The following ZNF816 variants were observed in gnomAD, a reference collection of about 807,000 sequenced individuals.
ZNF816 encodes the protein zinc finger protein 816.
A neutral mutation model predicts 8.3 loss-of-function variants in ZNF816; 11 were observed. The observed-to-expected ratio is 1.32, with a 90% CI of 0.83 to 2.19. The LOEUF (loss-of-function observed/expected upper bound fraction) is 2.19, where lower values mean the gene tolerates loss of function less well. Ranked by LOEUF, ZNF816 falls within the 30% of genes most tolerant of loss-of-function variation. The pLI, the probability that ZNF816 is intolerant of heterozygous loss-of-function variation, is 0.00. For synonymous variants in ZNF816, 255 were observed against 254.5 expected (o/e 1.00, Z -0.02); for missense variants, 710 against 779.3 (o/e 0.91, Z 1.06).
At chr19:52,959,799 G>A (rs1200843770) in intron 1 of ZNF816, among the ~76,000 whole-genome samples, 1 of 152,160 alleles carries the variant, frequency 6.6e-6, no homozygotes, top group Non-Finnish European at 1.5e-5. Flanking sequence ...ATGCACTGCA[G>A]AGGACACCAG....
Position 52,951,348 on chromosome 19 carries a change from C to G in ZNF816, c.427G>C (p.Asp143His). 2 of 1,614,194 alleles carry G rather than the reference C, an allele frequency of 1.2e-6. No homozygotes were observed. Among genetic ancestry groups the G allele is most frequent in the Non-Finnish European group, 1.7e-6 (2 of 1,180,018 alleles). The part of the protein sequence containing the change: ...KKLTGSTDRS[D>H]HRHAGNKPIK... ...GGCTTGTTTCCAGCATGCCTGTGATCACTTCGGTCTGTACTACCAGTCAAC... is the reference window on the plus strand; with the variant it reads ...GGCTTGTTTCCAGCATGCCTGTGATGACTTCGGTCTGTACTACCAGTCAAC... Residue 143 changes from aspartate (D) to histidine (H), a missense_variant, in exon 4 of 4, where the codon GAT becomes CAT. By Grantham distance (81) the Asp-to-His change is moderately conservative. Coordinates refer to ENST00000444460, the MANE Select transcript of ZNF816 (RefSeq NM_001202457.3).
chr19:52,958,818 C>G (rs759775795), intron 1 of ZNF816, among the ~76,000 whole-genome samples: 1 of 152,120 alleles, frequency 6.6e-6, no homozygotes, highest in Non-Finnish European at 1.5e-5. Context: ...TTCTGCAGAC[C>G]GTGGATCCCA....
In ZNF816 at chr19:52,957,473, G is replaced by C. The variant is rs1344381697; in HGVS notation, c.-15-1369C>G. Among the ~76,000 whole-genome samples the C allele has an allele frequency of 2.0e-5, 3 of 152,158 alleles. No homozygotes were observed. Among genetic ancestry groups the C allele is most frequent in the African/African-American group, 7.2e-5 (3 of 41,438 alleles). On this transcript the variant is annotated intron_variant, in intron 1 of 3. Coordinates refer to ENST00000444460, the MANE Select transcript of ZNF816 (RefSeq NM_001202457.3). This position sits in a 1 kb window ranked among gnomAD's most constrained non-coding sequence, Gnocchi z 4.6. ...CCTCAGCTAAAAGGAAAACAAGGTG[G>C]CTCAGAGCAGGAGGCCCCAGAAGGA...
intron 3 of ZNF816, chr19:52,952,417 C>T: frequency 2.4e-6 from 1 of 424,676 alleles, no homozygotes; most frequent in Non-Finnish European, 4.1e-6. Context: ...CAGCTGGAAA[C>T]ACTTGTCAAT....
At chr19:52,952,564 A>C in intron 3 of ZNF816, 187 bp downstream of exon 3, 1 of 1,143,950 alleles carries the variant, frequency 8.7e-7, no homozygotes, top group Non-Finnish European at 1.2e-6. Context: ...GTTTTTATGT[A>C]AAACCACTCC....
At chr19:52,956,002 G>A (rs200470966) in intron 2 of ZNF816, 25 bp downstream of exon 2, 7 of 1,595,388 alleles carry the variant, frequency 4.4e-6, no homozygotes, top group Non-Finnish European at 6.0e-6. Context: ...AGAGACAGAA[G>A]AATCCACCAA....
chr19:52,958,546 G>A (rs2122168626), intron 1 of ZNF816, among the ~76,000 whole-genome samples: 1 of 152,258 alleles, frequency 6.6e-6, no homozygotes, highest in African/African-American at 2.4e-5. Flanking sequence ...CATTGCTCCA[G>A]TACGTTGATG....
Position 52,952,611 on chromosome 19 carries a change from G to T in ZNF816, c.190+140C>A, listed in dbSNP as rs750906601. 4.0e-6 allele frequency: 6 copies of T among 1,487,038 alleles called. No homozygotes were observed. The Admixed American group carries it at 8.2e-5, about 20-fold the overall frequency. The allele number at this position is 1,487,038 out of a possible 1,614,324, so 92.1% of individuals were successfully genotyped here. A position where few individuals can be genotyped will look rare whatever the true frequency, so the allele number is the denominator to read the frequency against. ...TCTAAGAAGCTGTCCATGACAGATA[G>T]GAGGGTCATCACCGCAGAAAACAAT... On this transcript the variant is annotated intron_variant, in intron 3 of 3. Transcript: ENST00000444460.
Position 52,951,194 on chromosome 19 carries a change from C to T in ZNF816, c.581G>A (p.Arg194Lys), listed in dbSNP as rs752633968. 1 of 1,599,978 alleles carries T rather than the reference C, an allele frequency of 6.3e-7. No homozygotes were observed. The highest frequency in any genetic ancestry group is 1.5e-5 in the African/African-American group (1 of 65,580). The stretch of plus-strand genomic sequence containing the variant: ...ATGAGTTTTGAGCCTACAAGAAATT[C>T]TTTGGGATTCTGAAGCTGAGGAAGC... ...IGASSASESQ[R>K]ISCRLKTHIS... is the part of the protein sequence containing the mutation. The change falls in exon 4 of 4, where the codon AGA becomes AAA. Residue 194 changes from arginine to lysine, a missense_variant. Coordinates refer to ENST00000444460, the MANE Select transcript of ZNF816 (RefSeq NM_001202457.3).
rs1568435799 is a variant in ZNF816 at position 52,950,538 on chromosome 19, C to T, written c.1237G>A (p.Glu413Lys). 1.9e-6 allele frequency: 3 copies of T among 1,613,700 alleles called. No homozygotes were observed. The East Asian group carries it at 6.7e-5, about 36-fold the overall frequency. ...CCAGTATGAATCTTCCTATGTCTTT[C>T]AAGGTGTGATCTGCGAATGTAAACA... ...DNVYIRRSHL[E>K]RHRKIHTGEG... The change falls in exon 4 of 4, where the codon GAA becomes AAA. Residue 413 changes from glutamate (E) to lysine (K), a missense_variant. By Grantham distance (56) the Glu-to-Lys change is moderately conservative. Coordinates refer to ENST00000444460, the MANE Select transcript of ZNF816 (RefSeq NM_001202457.3).
intron 1 of ZNF816, chr19:52,960,227 C>A: frequency 3.6e-6 from 1 of 276,414 alleles, no homozygotes; most frequent in Non-Finnish European, 7.1e-6. Context: ...GCCCGGCATA[C>A]AAGCTTATGA....
chr19:52,953,402 A>G (rs1238550161), intron 2 of ZNF816: 5 of 178,452 alleles, frequency 2.8e-5, no homozygotes, highest in Non-Finnish European at 5.9e-5. Context: ...CAAAAAAAAA[A>G]AGAAAAAAAA....
In ZNF816 at chr19:52,950,567, T is replaced by G. The variant is rs758965064; in HGVS notation, c.1208A>C (p.Asp403Ala). The G allele has an allele frequency of 2.0e-5, 32 of 1,613,620 alleles. No individual in the cohort carries two copies. The East Asian group carries it at 6.9e-4, about 35-fold the overall frequency. Reference sequence around the variant, plus strand: ...GTGTGATCTGCGAATGTAAACATTGTCACATTCTTCACATTTGTAAGGTTT... The same window carrying G: ...GTGTGATCTGCGAATGTAAACATTGGCACATTCTTCACATTTGTAAGGTTT... Reference protein sequence around the residue: ...GEKPYKCEECDNVYIRRSHLE... With the variant: ...GEKPYKCEECANVYIRRSHLE... The change falls in exon 4 of 4, where the codon GAC (aspartate) becomes GCC (alanine). Residue 403 changes from aspartate (D) to alanine (A), a missense_variant. Physicochemically the swap from Asp to Ala is moderately radical, Grantham distance 126. Coordinates refer to ENST00000444460, the MANE Select transcript of ZNF816 (RefSeq NM_001202457.3).
rs745706741 is a variant in ZNF816 at position 52,952,754 on chromosome 19, C to T, written c.187G>A (p.Val63Met). The change falls in exon 3 of 4, where the codon GTG becomes ATG. Residue 63 changes from valine to methionine, a missense_variant. Coordinates refer to ENST00000444460, the MANE Select transcript of ZNF816 (RefSeq NM_001202457.3). ...MLENYRNLEF[V>M]DSSLKSMMEF... ...TCTGGAGGGACATTTTCCTCACCCA[C>T]AAACTCCAGGTTCCTGTAGTTCTCC... 8 of 1,613,796 alleles carry T rather than the reference C, an allele frequency of 5.0e-6. No individual in the cohort carries two copies. In the Admixed American group the frequency reaches 5.0e-5, roughly 10 times the overall value.
In ZNF816 at chr19:52,949,478, T is replaced by C. The variant is rs892973104; in HGVS notation, c.*341A>G. ...ATGGAATGACCACAGAGTGAAGACC[T>C]TGCCACCCTTACATTTGTAAGGCAT... On this transcript the variant is annotated 3_prime_UTR_variant, in exon 4 of 4. Coordinates refer to ENST00000444460, the MANE Select transcript of ZNF816 (RefSeq NM_001202457.3). 2.7e-5 allele frequency: 13 copies of C among 481,638 alleles called. No homozygotes were observed. In the Admixed American group the frequency reaches 3.2e-4, roughly 12 times the overall value. 29.8% of individuals were successfully genotyped at this position (481,638 alleles called of 1,614,324 possible).
chr19:52,956,167 AAC>A, intron 1 of ZNF816, 63 bp from the exon 2 acceptor site: 112 of 1,541,824 alleles, frequency 7.3e-5, no homozygotes, highest in South Asian at 2.0e-4. Context: ...CCTGTGACAA[AAC>A]ACACACACAG....
chr19:52,961,628 G>A (rs2083557759), intron 1 of ZNF816, among the ~76,000 whole-genome samples: 1 of 152,188 alleles, frequency 6.6e-6, no homozygotes, highest in African/African-American at 2.4e-5. Context: ...TAGGACAAGG[G>A]TAACCCCCCA....
chr19:52,950,466 C>T lies in ZNF816; in HGVS notation c.1309G>A (p.Asp437Asn). ...CTCTGATGTTCTGCAAGGTATGAATCACTCCGGAAAACCTTGTCACAAACC... is the reference window on the plus strand; with the variant it reads ...CTCTGATGTTCTGCAAGGTATGAATTACTCCGGAAAACCTTGTCACAAACC... ...CKVCDKVFRSDSYLAEHQRVH... is the reference protein window; with the variant it reads ...CKVCDKVFRSNSYLAEHQRVH... The change falls in exon 4 of 4, where the codon GAT becomes AAT. Residue 437 changes from aspartate (D) to asparagine (N), a missense_variant. Coordinates refer to ENST00000444460, the MANE Select transcript of ZNF816 (RefSeq NM_001202457.3). The T allele has an allele frequency of 1.2e-6, 2 of 1,613,232 alleles. No homozygotes were observed. Among genetic ancestry groups the T allele is most frequent in the Non-Finnish European group, 1.7e-6 (2 of 1,179,902 alleles).
chr19:52,952,143 C>A (rs546597198), intron 3 of ZNF816, among the ~76,000 whole-genome samples: 32 of 152,106 alleles, frequency 2.1e-4, no homozygotes, highest in African/African-American at 6.7e-4. Flanking sequence ...CTGAGGTGGG[C>A]AAATTGCTTG....
Sources: allele counts gnomAD v4.1 joint callset (sites outside exome capture counted in the v4.1 genomes callset), GRCh38; gene constraint gnomAD v4.1.1; non-coding constraint Gnocchi (gnomAD v3.1); transcripts MANE v1.5; gene names NCBI Gene and HGNC (gene_info 2026-07-23, HGNC 2026-07-21).